The following FSTL5 variants were observed in gnomAD, a reference collection of about 807,000 sequenced individuals.
FSTL5 encodes the protein follistatin like 5, also known as follistatin-related protein 5.
A neutral mutation model predicts 89.1 loss-of-function variants in FSTL5; 62 were observed. The ratio of observed to expected loss-of-function variants is 0.70; its 90% CI spans 0.57 to 0.86. The LOEUF (loss-of-function observed/expected upper bound fraction) is 0.86. FSTL5 is among the 40% of genes least tolerant of loss of function. The pLI is 0.00. For synonymous variants in FSTL5, 383 were observed against 346.2 expected (o/e 1.11, Z -1.18); for missense variants, 1,057 against 1,001.6 (o/e 1.06, Z -0.75).
At chr4:161,567,084 C>T (rs1218243604) in intron 8 of FSTL5, among the ~76,000 whole-genome samples, 1 of 151,950 alleles carries the variant, frequency 6.6e-6, no homozygotes, top group Non-Finnish European at 1.5e-5. Flanking sequence ...CCAGTCATAA[C>T]TTGTGATCAC....
chr4:161,702,568 T>G (rs1738431967), intron 6 of FSTL5, among the ~76,000 whole-genome samples: 1 of 152,134 alleles, frequency 6.6e-6, no homozygotes, highest in Non-Finnish European at 1.5e-5. Flanking sequence ...GTGATCATTG[T>G]GATAATAACA....
chr4:161,772,726 C>A (rs568108475), intron 5 of FSTL5, among the ~76,000 whole-genome samples: 3 of 152,108 alleles, frequency 2.0e-5, no homozygotes, highest in Non-Finnish European at 4.4e-5. Flanking sequence ...ACATCTCATG[C>A]TCATGGATAG....
At chr4:162,152,832 T>G (rs1733280524) in intron 1 of FSTL5, among the ~76,000 whole-genome samples, 1 of 151,716 alleles carries the variant, frequency 6.6e-6, no homozygotes, top group South Asian at 2.1e-4. Context: ...AGAATTTAGT[T>G]GCAACATGCT....
intron 4 of FSTL5, among the ~76,000 whole-genome samples, chr4:161,915,627 T>G (rs553487846): frequency 6.6e-6 from 1 of 152,260 alleles, no homozygotes; most frequent in African/African-American, 2.4e-5. Flanking sequence ...GTTTTTGATG[T>G]TGTGGGTACT....
chr4:161,915,506 C>T (rs1733813705), intron 4 of FSTL5, among the ~76,000 whole-genome samples: 1 of 151,968 alleles, frequency 6.6e-6, no homozygotes, highest in South Asian at 2.1e-4. Flanking sequence ...TATCATATGT[C>T]TCCTATGTAT....
At chr4:161,686,016 T>C (rs142273134) in intron 6 of FSTL5, among the ~76,000 whole-genome samples, 6 of 152,154 alleles carry the variant, frequency 3.9e-5, no homozygotes, top group East Asian at 1.9e-4. Flanking sequence ...GAGATGGTCA[T>C]GTAATTTTTT....
chr4:162,089,101 C>CCT (rs138397763), intron 2 of FSTL5, among the ~76,000 whole-genome samples: 2 of 150,144 alleles, frequency 1.3e-5, no homozygotes, highest in African/African-American at 2.4e-5. Context: ...TATCTCTTTC[C>CCT]CTCTCTCTCT....
intron 4 of FSTL5, among the ~76,000 whole-genome samples, chr4:161,855,728 T>A (rs1344081666): frequency 6.6e-6 from 1 of 152,094 alleles, no homozygotes; most frequent in East Asian, 1.9e-4. Flanking sequence ...GAGAAACAAA[T>A]CATGTTGCAC....
At chr4:161,414,862 C>T (rs1248122112) in intron 15 of FSTL5, among the ~76,000 whole-genome samples, 1 of 152,166 alleles carries the variant, frequency 6.6e-6, no homozygotes, top group Non-Finnish European at 1.5e-5. Context: ...TTAGGTCTGG[C>T]TTTGAGTCCT....
At chr4:161,972,123 G>T (rs777350578) in intron 3 of FSTL5, among the ~76,000 whole-genome samples, 1 of 152,058 alleles carries the variant, frequency 6.6e-6, no homozygotes, top group Non-Finnish European at 1.5e-5. Context: ...AGGGAGTTTC[G>T]CTCTTGTCTC....
intron 3 of FSTL5, among the ~76,000 whole-genome samples, chr4:161,923,139 G>A (rs1320675206): frequency 1.3e-5 from 2 of 151,854 alleles, no homozygotes; most frequent in African/African-American, 4.8e-5. Flanking sequence ...GATGCCTCGT[G>A]GTAGCCAAGC....
intron 2 of FSTL5, among the ~76,000 whole-genome samples, chr4:162,038,556 A>G (rs1186742761): frequency 1.3e-5 from 2 of 151,928 alleles, no homozygotes; most frequent in African/African-American, 4.8e-5. Context: ...GCATCTAAAC[A>G]AACTGGAGTT....
intron 15 of FSTL5, among the ~76,000 whole-genome samples, chr4:161,395,159 T>C (rs911411340): frequency 7.2e-5 from 11 of 151,850 alleles, no homozygotes; most frequent in African/African-American, 2.2e-4. Flanking sequence ...TAGTAACCAA[T>C]AGAACAATAA....
intron 7 of FSTL5, among the ~76,000 whole-genome samples, chr4:161,644,929 C>T (rs996744367): frequency 6.6e-6 from 1 of 152,110 alleles, no homozygotes; most frequent in East Asian, 1.9e-4. Flanking sequence ...GATTTTGTGA[C>T]AGATTAGATT....
chr4:162,021,266 A>G (rs897580158), intron 3 of FSTL5, among the ~76,000 whole-genome samples: 5 of 152,166 alleles, frequency 3.3e-5, no homozygotes, highest in African/African-American at 1.2e-4. Context: ...GTTTAACTGT[A>G]TTGCATTGAA....
At chr4:162,145,881 T>C (rs1350188384) in intron 1 of FSTL5, among the ~76,000 whole-genome samples, 1 of 152,144 alleles carries the variant, frequency 6.6e-6, no homozygotes, top group Non-Finnish European at 1.5e-5. Context: ...AGAGACTATT[T>C]TGAATTTCCT....
At chr4:161,693,981 T>G (rs958143528) in intron 6 of FSTL5, among the ~76,000 whole-genome samples, 3 of 152,104 alleles carry the variant, frequency 2.0e-5, no homozygotes, top group African/African-American at 7.2e-5. Flanking sequence ...GGTGGTAATA[T>G]CTCCATTTTT....
chr4:161,778,570 G>A (rs1741506905), intron 4 of FSTL5, among the ~76,000 whole-genome samples: 1 of 152,184 alleles, frequency 6.6e-6, no homozygotes. Context: ...TTCAAAGACA[G>A]TGAAATTACT....
intron 4 of FSTL5, among the ~76,000 whole-genome samples, chr4:161,780,740 A>G (rs1481392275): frequency 1.3e-5 from 2 of 152,190 alleles, no homozygotes; most frequent in African/African-American, 4.8e-5. Context: ...GGACAATGAC[A>G]CCTTACACAT....
Sources: allele counts gnomAD v4.1 joint callset (sites outside exome capture counted in the v4.1 genomes callset), GRCh38; gene constraint gnomAD v4.1.1; transcripts MANE v1.5; gene names NCBI Gene and HGNC (gene_info 2026-07-23, HGNC 2026-07-21).